The following LAMP1 variants were observed in gnomAD, a reference collection of about 807,000 sequenced individuals.
The protein encoded by LAMP1 is lysosome-associated membrane glycoprotein 1.
LAMP1 carries 7 observed loss-of-function variants against 37.5 expected under a neutral mutation model. The ratio of observed to expected loss-of-function variants is 0.19; its 90% CI spans 0.11 to 0.35. The LOEUF (loss-of-function observed/expected upper bound fraction) is 0.35, where lower values mean the gene tolerates loss of function less well. Among genes scored for constraint, LAMP1 ranks in the 10% least tolerant of loss-of-function variants. LAMP1 has a pLI of 1.00. For synonymous variants in LAMP1, 236 were observed against 229.1 expected (o/e 1.03, Z -0.27); for missense variants, 537 against 552.8 (o/e 0.97, Z 0.29).
chr13:113,310,882 C>G lies in LAMP1; in HGVS notation c.562+15C>G, dbSNP rs762655981. ...CAGCCGGGGAGGTAGGACGCTGACC[C>G]TTGGCCCTCTGGTGCTAGTGGTTGG... is the stretch of plus-strand genomic sequence containing the variant. On this transcript the variant is annotated intron_variant, in intron 4 of 8. Transcript: ENST00000332556. 1 of 1,608,784 alleles carries G rather than the reference C, an allele frequency of 6.2e-7. No individual in the cohort carries two copies. The highest frequency in any genetic ancestry group is 8.5e-7 in the Non-Finnish European group (1 of 1,177,268).
chr13:113,297,975 G>T lies in LAMP1; in HGVS notation c.61+480G>T, dbSNP rs2042551734. Among the ~76,000 whole-genome samples, 1 of 152,180 alleles carries T rather than the reference G, an allele frequency of 6.6e-6. No individual in the cohort carries two copies. Among genetic ancestry groups the T allele is most frequent in the Admixed American group, 6.5e-5 (1 of 15,284 alleles). On this transcript the variant is annotated intron_variant, in intron 1 of 8. Transcript: ENST00000332556. This position sits in a 1 kb window ranked among gnomAD's most constrained non-coding sequence, Gnocchi z 4.4. The stretch of plus-strand genomic sequence containing the variant: ...ATTTCACCCAGGACAGGGAGAAGCC[G>T]GTGCGAGCATTCCCCACCTTTGTAC...
chr13:113,315,273 C>T (rs921137989), intron 4 of LAMP1, among the ~76,000 whole-genome samples: 2 of 151,330 alleles, frequency 1.3e-5, no homozygotes, highest in Non-Finnish European at 2.9e-5. Flanking sequence ...GGGGCGGGGC[C>T]TCCTGGAGGG....
At chr13:113,303,096 C>A (rs1269366885) in intron 1 of LAMP1, among the ~76,000 whole-genome samples, 1 of 152,236 alleles carries the variant, frequency 6.6e-6, no homozygotes, top group African/African-American at 2.4e-5. Context: ...AAGCTGGCGT[C>A]AGTGCCGGGC....
At chr13:113,314,921 T>A (rs2042652638) in intron 4 of LAMP1, among the ~76,000 whole-genome samples, 1 of 109,182 alleles carries the variant, frequency 9.2e-6, no homozygotes, top group Non-Finnish European at 1.8e-5. Flanking sequence ...GAGATGCCCG[T>A]GTGCCTGGGG....
rs537198614 is a variant in LAMP1 at position 113,315,171 on chromosome 13, C to T, written c.563-4298C>T. Among the ~76,000 whole-genome samples the T allele has an allele frequency of 6.3e-5, 9 of 142,462 alleles. No homozygotes were observed. The East Asian group carries it at 8.5e-4, about 13-fold the overall frequency. The allele number at this position is 142,462 out of a possible 152,430, so 93.5% of individuals were successfully genotyped here. On this transcript the variant is annotated intron_variant, in intron 4 of 8. Coordinates refer to ENST00000332556, the MANE Select transcript of LAMP1 (RefSeq NM_005561.4). The stretch of plus-strand genomic sequence containing the variant: ...TGCGGAGATGCCCGTGTGCCTGGGG[C>T]GTGGCCTCCCGGAGGGAGTCAGTGT...
At position 113,306,522 on chromosome 13, in the gene LAMP1, G is replaced by A. The variant is rs756632821; in HGVS notation, c.99G>A (p.Val33=). 108 of 1,614,088 alleles carry A rather than the reference G, an allele frequency of 6.7e-5. No homozygotes were observed. The highest frequency in any genetic ancestry group is 3.2e-4 in the Admixed American group (19 of 60,000). The change falls in exon 2 of 9, where the codon GTG becomes GTA. Residue 33 remains valine (V), a synonymous_variant. Coordinates refer to ENST00000332556, the MANE Select transcript of LAMP1 (RefSeq NM_005561.4). ...GTGCGTCAGCAGCAATGTTTATGGT[G>A]AAAAATGGCAACGGGACCGCGTGCA... The part of the protein sequence containing the change: ...MHCASAAMFM[V]KNGNGTACIM...
intron 1 of LAMP1, among the ~76,000 whole-genome samples, chr13:113,301,669 A>T (rs868584553): frequency 7.4e-5 from 4 of 54,226 alleles, no homozygotes; most frequent in Admixed American, 2.3e-4. Flanking sequence ...ATATATATAT[A>T]TATATATATA....
rs1211053328 is a variant in LAMP1 at position 113,319,498 on chromosome 13, C to T, written c.592C>T (p.Pro198Ser). ...ACGCTGTGAACAAGACAGGCCTTCC[C>T]CAACCACAGCGCCCCCTGCGCCACC... ...ETRCEQDRPS[P>S]TTAPPAPPSP... The change falls in exon 5 of 9, where the codon CCA becomes TCA. Residue 198 changes from proline to serine, a missense_variant. Physicochemically the swap from Pro to Ser is moderately conservative, Grantham distance 74. Transcript: ENST00000332556. The T allele has an allele frequency of 1.9e-6, 3 of 1,613,510 alleles. No homozygotes were observed. Among genetic ancestry groups the T allele is most frequent in the African/African-American group, 2.7e-5 (2 of 74,936 alleles).
chr13:113,309,962 C>T (rs911274418), intron 3 of LAMP1, 100 bp downstream of exon 3: 2 of 920,696 alleles, frequency 2.2e-6, no homozygotes, highest in Non-Finnish European at 1.7e-6. Context: ...GGTGTGGTGG[C>T]TCACACCTGT....
chr13:113,299,935 G>A (rs1306997914), intron 1 of LAMP1, among the ~76,000 whole-genome samples: 1 of 151,136 alleles, frequency 6.6e-6, no homozygotes, highest in Non-Finnish European at 1.5e-5. Flanking sequence ...ATTTTAATGT[G>A]CGATTTCACC....
At chr13:113,308,574 G>A (rs894790301) in intron 2 of LAMP1, among the ~76,000 whole-genome samples, 20 of 148,678 alleles carry the variant, frequency 1.3e-4, no homozygotes, top group East Asian at 4.1e-4. Flanking sequence ...ATCTTCCCAC[G>A]TCGGCCTCCC....
chr13:113,320,308 G>C lies in LAMP1; in HGVS notation c.751-37G>C, dbSNP rs2042690831. The C allele has an allele frequency of 6.2e-7, 1 of 1,613,246 alleles. No individual in the cohort carries two copies. Among genetic ancestry groups the C allele is most frequent in the Non-Finnish European group, 8.5e-7 (1 of 1,179,666 alleles). On this transcript the variant is annotated intron_variant, in intron 5 of 8. Transcript: ENST00000332556. The surrounding 1 kb of genome is among the most constrained non-coding windows in gnomAD (Gnocchi z 4.4). The stretch of plus-strand genomic sequence containing the variant: ...GTCTTTTCGAGAGTGTGGAGGACCT[G>C]AGCTAGGGTGGTGACTTGCTTGCTT...
At chr13:113,301,639 AAAAAAATATAT>A (rs1313066568) in intron 1 of LAMP1, among the ~76,000 whole-genome samples, 12 of 31,162 alleles carry the variant, frequency 3.9e-4, no homozygotes, top group Middle Eastern at 0.012. Context: ...AAAAAAAAAA[AAAAAAATATAT>A]ATATATATAT....
At chr13:113,298,158 G>A (rs753973694) in intron 1 of LAMP1, among the ~76,000 whole-genome samples, 3 of 152,156 alleles carry the variant, frequency 2.0e-5, no homozygotes, top group South Asian at 2.1e-4. Context: ...TCAGACTCAC[G>A]GTGGCAATGT....
chr13:113,311,171 A>G (rs1233673781), intron 4 of LAMP1, among the ~76,000 whole-genome samples: 2 of 152,072 alleles, frequency 1.3e-5, no homozygotes, highest in East Asian at 3.9e-4. Flanking sequence ...GGGGGCGGGT[A>G]GAGAGAGAGG....
At position 113,306,495 on chromosome 13, in the gene LAMP1, T is replaced by C. The variant is rs1255321916; in HGVS notation, c.72T>C (p.His24=). The C allele has an allele frequency of 4.3e-6, 7 of 1,614,074 alleles. No individual in the cohort carries two copies. In the African/African-American group the frequency reaches 9.3e-5, roughly 22 times the overall value. The change falls in exon 2 of 9, where the codon CAT becomes CAC. Residue 24 remains histidine, a synonymous_variant. Coordinates refer to ENST00000332556, the MANE Select transcript of LAMP1 (RefSeq NM_005561.4). ...CCCTGGAATTGACAGGCCTCATGCA[T>C]TGTGCGTCAGCAGCAATGTTTATGG... is the stretch of plus-strand genomic sequence containing the variant. The part of the protein sequence containing the change: ...LLLLLLLGLM[H]CASAAMFMVK...
At chr13:113,319,768 G>T in intron 5 of LAMP1, 112 bp downstream of exon 5, 2 of 1,052,056 alleles carry the variant, frequency 1.9e-6, no homozygotes. Flanking sequence ...AAGTCAGGAT[G>T]GGAGCTTAGC....
At chr13:113,304,660 CTTT>C (rs1376947385) in intron 1 of LAMP1, among the ~76,000 whole-genome samples, 1 of 143,620 alleles carries the variant, frequency 7.0e-6, no homozygotes. Flanking sequence ...TTTTCTTTTT[CTTT>C]TTTTTTTTTT....
At chr13:113,310,386 C>T (rs1172550737) in intron 3 of LAMP1, among the ~76,000 whole-genome samples, 8 of 147,740 alleles carry the variant, frequency 5.4e-5, no homozygotes, top group Admixed American at 3.4e-4. Flanking sequence ...ATTAGCTGGG[C>T]GTGGTGGCGC....
Sources: gnomAD v4.1 joint callset for allele counts (sites outside exome capture counted in the v4.1 genomes callset) on GRCh38, gnomAD v4.1.1 for gene constraint, Gnocchi (gnomAD v3.1) non-coding constraint, MANE v1.5 for transcripts, NCBI Gene and HGNC (gene_info 2026-07-23, HGNC 2026-07-21) for gene names.